GFRA2: variants seen among roughly 807,000 people sequenced by gnomAD.
GFRA2 encodes the protein GDNF family receptor alpha 2, also known as GDNF family receptor alpha-2.
GFRA2 carries 17 observed loss-of-function variants against 48.3 expected under a neutral mutation model. The observed-to-expected ratio is 0.35, with a 90% confidence interval of 0.24 to 0.53. The LOEUF is 0.53. GFRA2 is among the 20% of genes least tolerant of loss of function. GFRA2 has a pLI of 0.93. For missense variants in GFRA2, 660 were observed against 637.3 expected, an observed-to-expected ratio of 1.04 and a Z score of -0.38; for synonymous variants, 305 against 257.2, an observed-to-expected ratio of 1.19 and a Z score of -1.78.
chr8:21,800,704 G>A (rs1413964252), intron 2 of GFRA2, among the ~76,000 whole-genome samples: 1 of 152,162 alleles, frequency 6.6e-6, no homozygotes, highest in African/African-American at 2.4e-5. Flanking sequence ...GCAGGAGGAT[G>A]GCTTGAGCCC....
At chr8:21,795,290 C>T (rs1258948323) in intron 2 of GFRA2, among the ~76,000 whole-genome samples, 2 of 152,210 alleles carry the variant, frequency 1.3e-5, no homozygotes, top group East Asian at 3.8e-4. Flanking sequence ...CTTACAACAT[C>T]CCTGGGAGGG....
At chr8:21,717,449 C>T (rs1387470748) in intron 4 of GFRA2, among the ~76,000 whole-genome samples, 1 of 152,088 alleles carries the variant, frequency 6.6e-6, no homozygotes, top group African/African-American at 2.4e-5. Context: ...AAGTTATGAA[C>T]CAACAAGATT....
intron 3 of GFRA2, among the ~76,000 whole-genome samples, chr8:21,751,586 T>C (rs10046718): frequency 0.1 from 15,265 of 152,176 alleles, 2,364 homozygotes; most frequent in African/African-American, 0.33. Context: ...GCGAGAACCG[T>C]TGGTCTAAGC....
Position 21,755,288 on chromosome 8 carries a change from T to C in GFRA2, c.440-4346A>G, listed in dbSNP as rs370153003. ...GCATCCCTCTATAGAGGGATGCTGA[T>C]AGTTGAAGAGGCTGTGCCTGGGGAG... On this transcript the variant is annotated intron_variant, in intron 3 of 8. Transcript: ENST00000524240. Among the ~76,000 whole-genome samples the C allele has an allele frequency of 1.8e-4, 27 of 152,082 alleles. No homozygotes were observed. In the East Asian group the frequency reaches 1.9e-3, roughly 11 times the overall value.
intron 3 of GFRA2, among the ~76,000 whole-genome samples, chr8:21,770,937 G>A (rs1346836241): frequency 5.3e-5 from 8 of 152,246 alleles, no homozygotes; most frequent in African/African-American, 1.7e-4. Flanking sequence ...GCTGGGATTC[G>A]GCATTCACAG....
intron 3 of GFRA2, among the ~76,000 whole-genome samples, chr8:21,758,274 G>A (rs1805686051): frequency 6.6e-6 from 1 of 152,006 alleles, no homozygotes; most frequent in Non-Finnish European, 1.5e-5. Flanking sequence ...ACAGACGGTG[G>A]TCTGTGGCCA....
intron 1 of GFRA2, among the ~76,000 whole-genome samples, chr8:21,806,968 C>G (rs780596478): frequency 1.3e-5 from 2 of 152,156 alleles, no homozygotes; most frequent in African/African-American, 4.8e-5. Context: ...TCACTTCAAG[C>G]TTCCTAAAAA....
At chr8:21,712,642 A>G (rs1389339108) in intron 4 of GFRA2, among the ~76,000 whole-genome samples, 3 of 151,976 alleles carry the variant, frequency 2.0e-5, no homozygotes, top group Non-Finnish European at 4.4e-5. Flanking sequence ...GCACTTTGGG[A>G]GGCCAAGGCA....
chr8:21,795,320 T>C (rs2117106360), intron 2 of GFRA2, among the ~76,000 whole-genome samples: 1 of 152,256 alleles, frequency 6.6e-6, no homozygotes, highest in East Asian at 1.9e-4. Flanking sequence ...AGAATTAATT[T>C]CCCTTCTCAG....
upstream of GFRA2, among the ~76,000 whole-genome samples, chr8:21,790,820 C>T (rs1200126296): frequency 6.6e-6 from 1 of 152,186 alleles, no homozygotes; most frequent in Non-Finnish European, 1.5e-5. Flanking sequence ...GGTCTCTTGG[C>T]TTTTTTTCCA....
chr8:21,723,649 C>T (rs1159074005), intron 4 of GFRA2, among the ~76,000 whole-genome samples: 1 of 152,108 alleles, frequency 6.6e-6, no homozygotes, highest in East Asian at 1.9e-4. Flanking sequence ...GTGGAAGGAA[C>T]AGCCCCCCTC....
At chr8:21,709,043 G>A (rs569318702) in intron 4 of GFRA2, among the ~76,000 whole-genome samples, 3 of 152,304 alleles carry the variant, frequency 2.0e-5, no homozygotes, top group African/African-American at 4.8e-5. Flanking sequence ...GGCTGCAGGT[G>A]GGCAAGAAGA....
In GFRA2 at chr8:21,732,482, A is replaced by G. The variant is rs150417367; in HGVS notation, c.794+18106T>C. On this transcript the variant is annotated intron_variant, in intron 4 of 8. Coordinates refer to ENST00000524240, the MANE Select transcript of GFRA2 (RefSeq NM_001495.5). ...GGGAGGGGGGTATCTCTCTGGGCAA[A>G]TCCAGGGTCTTTGGAGTTTACAGCC... 2.6e-3 allele frequency among the ~76,000 whole-genome samples: 391 copies of G among 152,268 alleles called. 2 individuals are homozygous for G. Among genetic ancestry groups the G allele is most frequent in the Middle Eastern group, 3.4e-3 (1 of 294 alleles).
chr8:21,778,268 C>T (rs1375980519), intron 2 of GFRA2, among the ~76,000 whole-genome samples: 1 of 152,132 alleles, frequency 6.6e-6, no homozygotes, highest in Non-Finnish European at 1.5e-5. Flanking sequence ...AGGCCATGGA[C>T]GCTTACCTCT....
chr8:21,732,636 C>T (rs1804253597), intron 4 of GFRA2, among the ~76,000 whole-genome samples: 1 of 152,218 alleles, frequency 6.6e-6, no homozygotes, highest in South Asian at 2.1e-4. Context: ...TCCCGTGAGC[C>T]CAGCCCAATG....
intron 6 of GFRA2, among the ~76,000 whole-genome samples, chr8:21,704,085 G>A (rs940873268): frequency 2.6e-5 from 4 of 152,208 alleles, no homozygotes; most frequent in South Asian, 2.1e-4. Flanking sequence ...TGCCACTCTG[G>A]TCATCTTCAG....
At chr8:21,796,189 C>T (rs967361563) in intron 2 of GFRA2, among the ~76,000 whole-genome samples, 5 of 152,242 alleles carry the variant, frequency 3.3e-5, no homozygotes, top group African/African-American at 1.2e-4. Flanking sequence ...ACTATACTGG[C>T]TACACCCCAG....
intron 4 of GFRA2, among the ~76,000 whole-genome samples, chr8:21,740,039 C>T (rs909238533): frequency 2.0e-5 from 3 of 152,170 alleles, no homozygotes; most frequent in Non-Finnish European, 4.4e-5. Flanking sequence ...ATTCTAGGGT[C>T]CTAAGCACAG....
intron 4 of GFRA2, among the ~76,000 whole-genome samples, chr8:21,708,262 A>AAGC (rs1489500704): frequency 6.6e-6 from 1 of 152,204 alleles, no homozygotes; most frequent in Non-Finnish European, 1.5e-5. Flanking sequence ...TCCTCAAAAC[A>AAGC]AGCAGCAGCA....
Sources: allele counts gnomAD v4.1 joint callset (sites outside exome capture counted in the v4.1 genomes callset), GRCh38; gene constraint gnomAD v4.1.1; transcripts MANE v1.5; gene names NCBI Gene and HGNC (gene_info 2026-07-23, HGNC 2026-07-21).